DMD: variants seen among roughly 807,000 people sequenced by gnomAD.
DMD encodes the protein dystrophin, also known as mutant dystrophin.
DMD carries 63 observed loss-of-function variants against 330.1 expected under a neutral mutation model. The ratio of observed to expected loss-of-function variants is 0.19; its 90% confidence interval spans 0.16 to 0.24. The LOEUF is 0.24. Ranked by LOEUF, DMD falls within the 10% of genes least tolerant of loss-of-function variation. DMD has a pLI of 1.00. For synonymous variants in DMD, 1,223 were observed against 959.8 expected (o/e 1.27, Z -5.07); for missense variants, 3,344 against 2,684.1 (o/e 1.25, Z -5.43).
chrX:33,200,681 T>C, intron 1 of DMD, among the ~76,000 whole-genome samples: 1 of 110,875 alleles, frequency 9.0e-6, no homozygotes, highest in Non-Finnish European at 1.9e-5. Flanking sequence ...ATAAAAACAA[T>C]GTATATTTGT....
intron 44 of DMD, among the ~76,000 whole-genome samples, chrX:32,089,077 G>A (rs2096459162): frequency 9.0e-6 from 1 of 111,472 alleles, no homozygotes; most frequent in Non-Finnish European, 1.9e-5. Context: ...TTGATGTGTA[G>A]TAAAATCCGC....
chrX:33,334,222 C>A (rs190647354), intron 1 of DMD, among the ~76,000 whole-genome samples: 23 of 111,605 alleles, frequency 2.1e-4, no homozygotes, highest in African/African-American at 7.5e-4. Context: ...TAAATTATCT[C>A]AATAGACTAA....
intron 52 of DMD, among the ~76,000 whole-genome samples, chrX:31,707,060 G>T (rs1603449943): frequency 1.8e-5 from 2 of 108,314 alleles, no homozygotes; most frequent in African/African-American, 6.7e-5. Context: ...TAATCTCGTT[G>T]TTTTTTTTTA....
chrX:31,183,463 G>C (rs2041378706), intron 67 of DMD, among the ~76,000 whole-genome samples: 1 of 110,964 alleles, frequency 9.0e-6, no homozygotes, highest in African/African-American at 3.3e-5. Context: ...GCTGATAATA[G>C]AATCCAAACC....
At chrX:32,558,800 T>C (rs1387014100) in intron 16 of DMD, among the ~76,000 whole-genome samples, 1 of 111,295 alleles carries the variant, frequency 9.0e-6, no homozygotes, top group African/African-American at 3.3e-5. Flanking sequence ...CATTTTATAT[T>C]GTTACAGACA....
intron 63 of DMD, among the ~76,000 whole-genome samples, chrX:31,228,267 T>TAAAAAAAAAAAA (rs1367757647): frequency 5.0e-5 from 2 of 39,616 alleles, no homozygotes; most frequent in African/African-American, 1.9e-4. Flanking sequence ...AAAAAAAAAA[T>TAAAAAAAAAAAA]AAAAAAATAA....
intron 7 of DMD, among the ~76,000 whole-genome samples, chrX:32,802,515 G>A (rs1039306631): frequency 1.8e-5 from 2 of 111,554 alleles, no homozygotes; most frequent in African/African-American, 6.5e-5. Flanking sequence ...ATACTATGTT[G>A]AATAGGAGTG....
intron 48 of DMD, among the ~76,000 whole-genome samples, chrX:31,861,573 G>A (rs1369825043): frequency 2.5e-5 from 2 of 80,387 alleles, no homozygotes; most frequent in Non-Finnish European, 4.8e-5. Flanking sequence ...GAACAGAATA[G>A]TATGCAACTG....
intron 54 of DMD, among the ~76,000 whole-genome samples, chrX:31,636,752 G>A (rs1431906103): frequency 1.8e-5 from 2 of 111,523 alleles, no homozygotes; most frequent in Non-Finnish European, 3.8e-5. Context: ...ATATATGTGT[G>A]AAAAGAGAAA....
At chrX:32,815,494 C>CATAT (rs1557051738) in intron 6 of DMD, among the ~76,000 whole-genome samples, 4,604 of 71,690 alleles carry the variant, frequency 0.064, 162 homozygotes, top group East Asian at 0.12. Context: ...CACACACAAG[C>CATAT]ATATATATAT....
At chrX:31,162,336 G>A (rs1221150023) in intron 74 of DMD, among the ~76,000 whole-genome samples, 1 of 72,770 alleles carries the variant, frequency 1.4e-5, no homozygotes, top group East Asian at 4.7e-4. Flanking sequence ...ACAGGAGGAT[G>A]AGGGTCTTCA....
chrX:32,657,587 CAG>C (rs1271339695), intron 9 of DMD, among the ~76,000 whole-genome samples: 12 of 111,723 alleles, frequency 1.1e-4, no homozygotes, highest in Non-Finnish European at 1.9e-4. Context: ...CCTTGGCTGA[CAG>C]AGATTCATGA....
chrX:33,036,624 T>C (rs1218589956), intron 1 of DMD, among the ~76,000 whole-genome samples: 1 of 111,443 alleles, frequency 9.0e-6, no homozygotes, highest in Non-Finnish European at 1.9e-5. Context: ...TTGGTACATA[T>C]TTTCAAATTA....
At chrX:31,560,318 G>GTCTT (rs1212344989) in intron 55 of DMD, among the ~76,000 whole-genome samples, 1 of 111,730 alleles carries the variant, frequency 9.0e-6, no homozygotes, top group Non-Finnish European at 1.9e-5. Flanking sequence ...GGTTGACACT[G>GTCTT]TCTTTAAAGA....
chrX:32,751,864 C>A (rs2070865360), intron 7 of DMD, among the ~76,000 whole-genome samples: 2 of 112,851 alleles, frequency 1.8e-5, no homozygotes, highest in Non-Finnish European at 3.7e-5. Flanking sequence ...GGCCGAGGTA[C>A]AGCTTGGGCT....
At chrX:32,762,795 G>C (rs982075283) in intron 7 of DMD, among the ~76,000 whole-genome samples, 3 of 110,922 alleles carry the variant, frequency 2.7e-5, no homozygotes, top group Non-Finnish European at 3.8e-5. Context: ...ATTTTTCTAA[G>C]TACAATGTAG....
chrX:32,802,446 A>C (rs1279878405), intron 7 of DMD, among the ~76,000 whole-genome samples: 1 of 111,435 alleles, frequency 9.0e-6, no homozygotes, highest in Non-Finnish European at 1.9e-5. Flanking sequence ...GTCATCTGCA[A>C]ACAGAGAATT....
At chrX:31,864,067 A>C (rs1252728218) in intron 48 of DMD, among the ~76,000 whole-genome samples, 2 of 111,362 alleles carry the variant, frequency 1.8e-5, no homozygotes, top group Non-Finnish European at 3.8e-5. Flanking sequence ...TAAAATGTCA[A>C]TATTTACTGT....
chrX:32,748,353 A>C (rs959053450), intron 7 of DMD, among the ~76,000 whole-genome samples: 3 of 109,600 alleles, frequency 2.7e-5, no homozygotes, highest in African/African-American at 1.0e-4. Context: ...CTCAAAAAAA[A>C]AAAAAAGAAA....
Sources: allele counts gnomAD v4.1 joint callset (sites outside exome capture counted in the v4.1 genomes callset), GRCh38; gene constraint gnomAD v4.1.1; transcripts MANE v1.5; gene names NCBI Gene and HGNC (gene_info 2026-07-23, HGNC 2026-07-21).